The following ATXN7 variants were observed in gnomAD, a reference collection of about 807,000 sequenced individuals.
ATXN7 encodes ataxin-7.
ATXN7 carries 12 observed loss-of-function variants against 70.5 expected under a neutral mutation model. That is an observed-to-expected ratio of 0.17 (90% confidence interval 0.11 to 0.28). The LOEUF (loss-of-function observed/expected upper bound fraction) is 0.28, where lower values mean the gene tolerates loss of function less well. ATXN7 is among the 10% of genes least tolerant of loss of function. The probability of loss-of-function intolerance (pLI) is 1.00; values close to 1 mark genes in which losing one functional copy is unlikely to be tolerated. For synonymous variants in ATXN7, 498 were observed against 448.7 expected (o/e 1.11, Z -1.39); for missense variants, 1,256 against 1,131.7 (o/e 1.11, Z -1.58).
rs1575982182 is a variant in ATXN7, at chr3:63,980,476, A to G, written c.752+309A>G. On this transcript the variant is annotated intron_variant, in intron 6 of 12. Transcript: ENST00000674280. The stretch of plus-strand genomic sequence containing the variant: ...ACCCTATGGAATAGGTACTGTTACT[A>G]TCCTCGTTTTCCAGATGAGGAGAAG... The G allele has an allele frequency of 1.4e-5, 4 of 281,228 alleles. No individual in the cohort carries two copies. In the East Asian group the frequency reaches 2.0e-4, roughly 14 times the overall value. 17.4% of individuals were successfully genotyped at this position (281,228 alleles called of 1,614,324 possible).
chr3:63,921,052 A>C (rs1303501226), intron 4 of ATXN7, among the ~76,000 whole-genome samples: 1 of 152,228 alleles, frequency 6.6e-6, no homozygotes, highest in African/African-American at 2.4e-5. Context: ...TTCATCTTGT[A>C]CAGCAGGGAT....
intron 8 of ATXN7, among the ~76,000 whole-genome samples, chr3:63,987,138 C>T (rs995467117): frequency 2.1e-4 from 32 of 152,164 alleles, no homozygotes; most frequent in South Asian, 4.1e-4. Flanking sequence ...GTACATTCAA[C>T]TTTATCTTCT....
chr3:63,929,269 CTTTTTTTT>C (rs1029963204), intron 4 of ATXN7, among the ~76,000 whole-genome samples: 1 of 136,648 alleles, frequency 7.3e-6, no homozygotes, highest in Non-Finnish European at 1.6e-5. Context: ...CTCTCTCTCT[CTTTTTTTT>C]TTTTTTTTTT....
chr3:63,874,071 T>C (rs1256432223), intron 1 of ATXN7, among the ~76,000 whole-genome samples: 1 of 152,206 alleles, frequency 6.6e-6, no homozygotes, highest in Non-Finnish European at 1.5e-5. Context: ...CATTTAACCT[T>C]ACTGGTACTT....
chr3:63,984,707 A>C (rs1475239139), intron 8 of ATXN7, among the ~76,000 whole-genome samples: 1 of 152,252 alleles, frequency 6.6e-6, no homozygotes, highest in African/African-American at 2.4e-5. Context: ...CTGTGAAAGA[A>C]TATTATACAG....
intron 4 of ATXN7, among the ~76,000 whole-genome samples, chr3:63,933,733 T>G (rs1157193368): frequency 1.3e-5 from 2 of 152,190 alleles, no homozygotes; most frequent in Non-Finnish European, 2.9e-5. Context: ...CTTGTATCCC[T>G]CTCAATTAAG....
chr3:63,964,106 ACACG>A (rs916706924), intron 5 of ATXN7, among the ~76,000 whole-genome samples: 1 of 146,230 alleles, frequency 6.8e-6, no homozygotes, highest in African/African-American at 2.6e-5. Flanking sequence ...ACACACACAC[ACACG>A]TATGATTAAT....
At chr3:63,960,368 A>G (rs1201500553) in intron 5 of ATXN7, among the ~76,000 whole-genome samples, 1 of 152,174 alleles carries the variant, frequency 6.6e-6, no homozygotes, top group Non-Finnish European at 1.5e-5. Context: ...TCAGGATTGG[A>G]CGGCGCAGGC....
intron 5 of ATXN7, among the ~76,000 whole-genome samples, chr3:63,960,143 A>G (rs2106686722): frequency 6.6e-6 from 1 of 152,352 alleles, no homozygotes; most frequent in South Asian, 2.1e-4. Flanking sequence ...AAACTCAGTG[A>G]TGAAAGAGAG....
At chr3:63,904,922 A>C (rs1234492616) in intron 2 of ATXN7, 1 of 152,088 alleles carries the variant, frequency 6.6e-6, no homozygotes, top group Non-Finnish European at 1.5e-5. Context: ...GTTGTTGTTT[A>C]TTACAGCCAT....
chr3:63,967,682 T>G, intron 5 of ATXN7: 2 of 984,952 alleles, frequency 2.0e-6, no homozygotes, highest in Non-Finnish European at 1.3e-6. Flanking sequence ...ATAGAAAGAT[T>G]AATTTACACC....
chr3:63,996,526 C>G (rs190885480), intron 12 of ATXN7, 43 bp downstream of exon 12: 1 of 1,578,376 alleles, frequency 6.3e-7, no homozygotes, highest in African/African-American at 1.4e-5. Flanking sequence ...CCCATTTCTT[C>G]TCCCTTAAGA....
intron 4 of ATXN7, among the ~76,000 whole-genome samples, chr3:63,925,349 G>A (rs1303985115): frequency 6.6e-6 from 1 of 152,176 alleles, no homozygotes; most frequent in Non-Finnish European, 1.5e-5. Flanking sequence ...CCTATGGCCT[G>A]TTAGGAAACA....
At chr3:63,875,433 G>C (rs577490682) in intron 1 of ATXN7, among the ~76,000 whole-genome samples, 3 of 152,044 alleles carry the variant, frequency 2.0e-5, no homozygotes, top group Non-Finnish European at 4.4e-5. Flanking sequence ...TAAACATTCC[G>C]ACCATGACAG....
intron 4 of ATXN7, among the ~76,000 whole-genome samples, chr3:63,936,072 T>TC (rs1349847631): frequency 2.0e-5 from 3 of 152,186 alleles, no homozygotes; most frequent in Admixed American, 2.0e-4. Flanking sequence ...AAGATGTAAG[T>TC]CCCATGAGGG....
At chr3:63,946,576 G>C (rs2106639084) in intron 4 of ATXN7, among the ~76,000 whole-genome samples, 1 of 151,644 alleles carries the variant, frequency 6.6e-6, no homozygotes, top group East Asian at 2.0e-4. Flanking sequence ...CCGGGAGGCG[G>C]AGCTTGCAGT....
chr3:63,879,514 G>T (rs1266348676), intron 1 of ATXN7, among the ~76,000 whole-genome samples: 2 of 144,326 alleles, frequency 1.4e-5, no homozygotes, highest in Non-Finnish European at 3.0e-5. Flanking sequence ...TTTAAATAGA[G>T]TCTTGCTCTG....
intron 8 of ATXN7, among the ~76,000 whole-genome samples, chr3:63,985,292 C>T (rs1292359750): frequency 6.6e-6 from 1 of 152,110 alleles, no homozygotes; most frequent in Non-Finnish European, 1.5e-5. Flanking sequence ...ATGATATATG[C>T]TCCCCTTGTC....
At chr3:63,871,164 C>A (rs1215598779) in intron 1 of ATXN7, among the ~76,000 whole-genome samples, 1 of 152,112 alleles carries the variant, frequency 6.6e-6, no homozygotes, top group Non-Finnish European at 1.5e-5. Context: ...CTTTTCAAAA[C>A]AACATTGTGC....
Sources: allele counts gnomAD v4.1 joint callset (sites outside exome capture counted in the v4.1 genomes callset), GRCh38; gene constraint gnomAD v4.1.1; transcripts MANE v1.5; gene names NCBI Gene and HGNC (gene_info 2026-07-23, HGNC 2026-07-21).